The following FA2H variants were observed in gnomAD, a reference collection of about 807,000 sequenced individuals.
The protein encoded by FA2H is fatty acid alpha-hydroxylase.
A neutral mutation model predicts 44.9 loss-of-function variants in FA2H; 22 were observed. That is an observed-to-expected ratio of 0.49 (90% CI 0.35 to 0.70). FA2H has a LOEUF of 0.70. FA2H is among the 30% of genes least tolerant of loss of function. The probability of loss-of-function intolerance (pLI) is 0.01; values close to 1 mark genes in which losing one functional copy is unlikely to be tolerated. For missense variants in FA2H, 501 were observed against 504.9 expected, an observed-to-expected ratio of 0.99 and a Z score of 0.07; for synonymous variants, 243 against 213.2, an observed-to-expected ratio of 1.14 and a Z score of -1.22.
chr16:74,743,758 A>T (rs546991455), intron 1 of FA2H, among the ~76,000 whole-genome samples: 34 of 152,288 alleles, frequency 2.2e-4, no homozygotes, highest in African/African-American at 7.9e-4. Flanking sequence ...CCCCAGACTG[A>T]CTAAGCAAGG....
chr16:74,722,032 G>A (rs12919626), intron 4 of FA2H, among the ~76,000 whole-genome samples: 14,303 of 152,228 alleles, frequency 0.094, 720 homozygotes, highest in Non-Finnish European at 0.11. Context: ...CTGCATGATT[G>A]AGGACGTGGA....
intron 4 of FA2H, among the ~76,000 whole-genome samples, chr16:74,720,288 C>G (rs1477903471): frequency 6.9e-6 from 1 of 144,046 alleles, no homozygotes; most frequent in African/African-American, 2.6e-5. Context: ...CTCCACCTCC[C>G]GGGTTCAAGT....
At chr16:74,749,038 G>T (rs547024703) in intron 1 of FA2H, among the ~76,000 whole-genome samples, 1 of 152,188 alleles carries the variant, frequency 6.6e-6, no homozygotes, top group African/African-American at 2.4e-5. Flanking sequence ...GCCCCAGAGG[G>T]AGATGATGGT....
chr16:74,759,503 CT>C (rs1416650592), intron 1 of FA2H, among the ~76,000 whole-genome samples: 2 of 152,228 alleles, frequency 1.3e-5, no homozygotes, highest in Non-Finnish European at 2.9e-5. Flanking sequence ...ATTCTTCCCA[CT>C]AAAGACCCTT....
At chr16:74,742,342 G>C (rs1962330401) in intron 1 of FA2H, among the ~76,000 whole-genome samples, 1 of 152,176 alleles carries the variant, frequency 6.6e-6, no homozygotes, top group East Asian at 1.9e-4. Flanking sequence ...GTCTGCCTGA[G>C]GGGGTGGGCC....
intron 5 of FA2H, among the ~76,000 whole-genome samples, chr16:74,718,634 TTTG>T (rs1387806489): frequency 2.6e-5 from 4 of 152,170 alleles, no homozygotes; most frequent in Non-Finnish European, 4.4e-5. Flanking sequence ...CGCAAGGCTT[TTTG>T]TTGTTTTGTT....
At chr16:74,748,003 GC>G (rs1193433050) in intron 1 of FA2H, among the ~76,000 whole-genome samples, 1 of 152,156 alleles carries the variant, frequency 6.6e-6, no homozygotes, top group Non-Finnish European at 1.5e-5. Context: ...CTCATCCTAT[GC>G]TGAGGACGCG....
intron 1 of FA2H, among the ~76,000 whole-genome samples, chr16:74,742,136 C>G (rs1162843115): frequency 1.3e-5 from 2 of 152,178 alleles, no homozygotes; most frequent in Middle Eastern, 3.4e-3. Context: ...ATGCTCCACC[C>G]ACATTTCCCC....
intron 4 of FA2H, among the ~76,000 whole-genome samples, chr16:74,720,192 T>TTTC (rs1961804614): frequency 1.6e-5 from 2 of 124,838 alleles, no homozygotes; most frequent in Non-Finnish European, 3.4e-5. Flanking sequence ...TTTTTTTTTT[T>TTTC]TTTTTTTTTT....
At chr16:74,743,614 A>T (rs1445312139) in intron 1 of FA2H, among the ~76,000 whole-genome samples, 1 of 152,164 alleles carries the variant, frequency 6.6e-6, no homozygotes, top group African/African-American at 2.4e-5. Flanking sequence ...CTCTCTATGG[A>T]GGCTGAGGAA....
chr16:74,774,497 C>A lies in FA2H; in HGVS notation c.259G>T (p.Gly87Trp), dbSNP rs561760287. Residue 87 changes from glycine (G) to tryptophan (W), a missense_variant, in exon 1 of 7, where the codon GGG (glycine) becomes TGG (tryptophan). Transcript: ENST00000219368. Reference sequence around the variant, plus strand: ...CGGCCCGGCTGTACCTGCTGCTCCCCGCGGAGCTCTCCCACGTAGTACTGC... The same window carrying A: ...CGGCCCGGCTGTACCTGCTGCTCCCAGCGGAGCTCTCCCACGTAGTACTGC... ...LEQYYVGELRGEQQGSMENEP... is the reference protein window; with the variant it reads ...LEQYYVGELRWEQQGSMENEP... 2 of 1,517,094 alleles carry A rather than the reference C, an allele frequency of 1.3e-6. No individual in the cohort carries two copies. The highest frequency in any genetic ancestry group is 5.1e-5 in the East Asian group (2 of 38,912). The allele number at this position is 1,517,094 out of a possible 1,614,324, so 94.0% of individuals were successfully genotyped here.
At chr16:74,733,591 G>C (rs1962121119) in intron 2 of FA2H, among the ~76,000 whole-genome samples, 1 of 152,222 alleles carries the variant, frequency 6.6e-6, no homozygotes, top group Non-Finnish European at 1.5e-5. Flanking sequence ...GAAGGAGAAA[G>C]GCTCAGCTGG....
intron 1 of FA2H, among the ~76,000 whole-genome samples, chr16:74,750,518 A>G (rs887231509): frequency 9.9e-5 from 15 of 152,206 alleles, no homozygotes; most frequent in African/African-American, 3.6e-4. Flanking sequence ...ATAGTCACTG[A>G]ACTGTTTTAT....
At chr16:74,749,624 C>A (rs1055327737) in intron 1 of FA2H, among the ~76,000 whole-genome samples, 1 of 152,182 alleles carries the variant, frequency 6.6e-6, no homozygotes, top group African/African-American at 2.4e-5. Context: ...AACCTCGACA[C>A]CGGAAGCCTA....
At chr16:74,747,247 GC>G (rs554554221) in intron 1 of FA2H, among the ~76,000 whole-genome samples, 226 of 152,188 alleles carry the variant, frequency 1.5e-3, no homozygotes, top group African/African-American at 5.2e-3. Flanking sequence ...GGAAATGGAG[GC>G]TGCAGTGAGC....
intron 4 of FA2H, chr16:74,725,990 G>A (rs778190695): frequency 1.8e-4 from 92 of 508,748 alleles, no homozygotes; most frequent in Non-Finnish European, 2.5e-4. Flanking sequence ...TATGCCACCC[G>A]ATGATTCCAT....
chr16:74,716,566 G>C lies in FA2H; in HGVS notation c.820C>G (p.Pro274Ala), dbSNP rs373152103. 2.2e-5 allele frequency: 35 copies of C among 1,596,680 alleles called. No homozygotes were observed. In the East Asian group the frequency reaches 2.3e-4, roughly 10 times the overall value. ...CCGATCACCAGGGAGGCTGGCACAG[G>C]GGGGAAGACCAGGCGGGAGCCGTCG... ...PFDGSRLVFP[P>A]VPASLVIGVF... The change falls in exon 6 of 7, where the codon CCT (proline) becomes GCT (alanine). Residue 274 changes from proline (P) to alanine (A), a missense_variant. Coordinates refer to ENST00000219368, the MANE Select transcript of FA2H (RefSeq NM_024306.5).
chr16:74,741,870 ATGTG>A (rs538897022), intron 1 of FA2H, among the ~76,000 whole-genome samples: 1 of 84,268 alleles, frequency 1.2e-5, no homozygotes, highest in Non-Finnish European at 2.5e-5. Flanking sequence ...GTGTGTGTGT[ATGTG>A]TGTGTGTGTG....
At chr16:74,736,451 G>A (rs182575664) in intron 2 of FA2H, among the ~76,000 whole-genome samples, 81 of 152,246 alleles carry the variant, frequency 5.3e-4, no homozygotes, top group African/African-American at 1.8e-3. Flanking sequence ...TCTCTGATCT[G>A]GATGCTATCT....
Sources: allele counts gnomAD v4.1 joint callset (sites outside exome capture counted in the v4.1 genomes callset), GRCh38; gene constraint gnomAD v4.1.1; transcripts MANE v1.5; gene names NCBI Gene and HGNC (gene_info 2026-07-23, HGNC 2026-07-21).